TMEM132C: variants seen among roughly 807,000 people sequenced by gnomAD.
The protein encoded by TMEM132C is transmembrane protein 132C.
Under a neutral mutation model 61.4 loss-of-function variants are expected in TMEM132C, and 29 were observed. The observed-to-expected ratio is 0.47, with a 90% CI of 0.35 to 0.64. The LOEUF is 0.64. TMEM132C is among the 30% of genes least tolerant of loss of function. The probability of loss-of-function intolerance (pLI) is 0.00; values close to 1 mark genes in which losing one functional copy is unlikely to be tolerated. For missense variants in TMEM132C, 1,408 were observed against 1,476.9 expected (o/e 0.95, Z 0.76); for synonymous variants, 656 against 633.1 (o/e 1.04, Z -0.54).
At chr12:128,597,623 C>A (rs1876020052) in intron 3 of TMEM132C, among the ~76,000 whole-genome samples, 1 of 152,148 alleles carries the variant, frequency 6.6e-6, no homozygotes, top group African/African-American at 2.4e-5. Flanking sequence ...TCCTATACTT[C>A]CAGGTAGTAT....
chr12:128,295,773 TAA>T (rs369608460), intron 1 of TMEM132C, among the ~76,000 whole-genome samples: 1 of 146,672 alleles, frequency 6.8e-6, no homozygotes, highest in Admixed American at 6.8e-5. Flanking sequence ...AAGCACCAAT[TAA>T]AAAAAAAAAA....
chr12:128,268,954 G>T (rs1287223136), intron 1 of TMEM132C, among the ~76,000 whole-genome samples: 4 of 108,810 alleles, frequency 3.7e-5, no homozygotes, highest in Admixed American at 1.1e-4. Flanking sequence ...GAAAGGGGGT[G>T]AGAGACGAGG....
chr12:128,368,741 T>C (rs999056591), intron 1 of TMEM132C, among the ~76,000 whole-genome samples: 2 of 152,172 alleles, frequency 1.3e-5, no homozygotes, highest in Admixed American at 1.3e-4. Context: ...TGTTTTTAGG[T>C]AACTGTTTTA....
rs539317119 is a variant in TMEM132C, at chr12:128,587,141, G to A, written c.1122-29011G>A. 2.6e-5 allele frequency among the ~76,000 whole-genome samples: 4 copies of A among 152,250 alleles called. No homozygotes were observed. In the South Asian group the frequency reaches 6.2e-4, roughly 24 times the overall value. ...CAGTGGGTGTTGGCAGCAGTGGATA[G>A]CACTGGCCAAATAGGCCTTATTGCC... On this transcript the variant is annotated intron_variant, in intron 3 of 8. Transcript: ENST00000435159.
rs549160458 is a variant in TMEM132C at position 128,693,970 on chromosome 12, G to A, written c.1591G>A (p.Glu531Lys). 2.4e-5 allele frequency: 37 copies of A among 1,551,728 alleles called. No homozygotes were observed. Among genetic ancestry groups the A allele is most frequent in the Admixed American group, 9.8e-5 (5 of 51,004 alleles). ...GGTGCCCCGGCTGCCCCTGCAGATC[G>A]AGGTCTCTGACACGGAGCTCAGCCA... is the stretch of plus-strand genomic sequence containing the variant. ...VWVPRLPLQI[E>K]VSDTELSQIK... Residue 531 changes from glutamate to lysine, a missense_variant, in exon 6 of 9, where the codon GAG becomes AAG. By Grantham distance (56) the Glu-to-Lys change is moderately conservative (BLOSUM62 1). Transcript: ENST00000435159.
chr12:128,394,086 A>G (rs893863975), intron 1 of TMEM132C, among the ~76,000 whole-genome samples: 1 of 152,160 alleles, frequency 6.6e-6, no homozygotes, highest in Non-Finnish European at 1.5e-5. Flanking sequence ...AGGCCTCACA[A>G]TCGTGGGGGA....
chr12:128,361,264 G>A (rs527591170), intron 1 of TMEM132C, among the ~76,000 whole-genome samples: 6 of 152,308 alleles, frequency 3.9e-5, no homozygotes, highest in Non-Finnish European at 8.8e-5. Context: ...GAGAGATTGT[G>A]GGTGGATGCA....
intron 8 of TMEM132C, among the ~76,000 whole-genome samples, chr12:128,702,173 T>G (rs1373582511): frequency 6.6e-6 from 1 of 152,150 alleles, no homozygotes; most frequent in African/African-American, 2.4e-5. Context: ...GTGCTGGGAT[T>G]ACAGGCATAA....
At chr12:128,639,258 T>C (rs1191020487) in intron 4 of TMEM132C, among the ~76,000 whole-genome samples, 1 of 150,766 alleles carries the variant, frequency 6.6e-6, no homozygotes, top group African/African-American at 2.4e-5. Flanking sequence ...ATGATGATGG[T>C]GATGATGATG....
chr12:128,650,521 G>A lies in TMEM132C; in HGVS notation c.1306-18896G>A, dbSNP rs1052148454. Among the ~76,000 whole-genome samples the A allele has an allele frequency of 3.4e-4, 52 of 152,136 alleles. 1 individual carries two copies. The highest frequency in any genetic ancestry group is 1.0e-3 in the South Asian group (5 of 4,810). ...GGAGGATTGCTTGAGGCCAGGAGTT[G>A]GAGACCAGCCTGGGCAACATAGTGA... On this transcript the variant is annotated intron_variant, in intron 4 of 8. Transcript: ENST00000435159.
At chr12:128,637,184 A>C (rs912185824) in intron 4 of TMEM132C, among the ~76,000 whole-genome samples, 1 of 152,090 alleles carries the variant, frequency 6.6e-6, no homozygotes, top group Non-Finnish European at 1.5e-5. Context: ...CTTCTTTTGC[A>C]AGGTTTGTTG....
intron 2 of TMEM132C, among the ~76,000 whole-genome samples, chr12:128,533,663 A>T (rs1326386361): frequency 1.3e-5 from 2 of 152,156 alleles, no homozygotes; most frequent in Admixed American, 1.3e-4. Flanking sequence ...GCCCAGACTA[A>T]TGACCTCCAT....
chr12:128,616,055 T>G, intron 3 of TMEM132C, 97 bp from the exon 4 acceptor site: 3 of 1,378,504 alleles, frequency 2.2e-6, no homozygotes, highest in Non-Finnish European at 2.9e-6. Context: ...ATCCCTGAGA[T>G]GTGTTTCTTT....
chr12:128,468,263 G>C (rs1870810541), intron 2 of TMEM132C, among the ~76,000 whole-genome samples: 1 of 152,110 alleles, frequency 6.6e-6, no homozygotes, highest in Non-Finnish European at 1.5e-5. Flanking sequence ...AGGGCAGGGG[G>C]CTTAGACTTT....
chr12:128,539,632 CAT>C (rs1873664925), intron 2 of TMEM132C, among the ~76,000 whole-genome samples: 1 of 152,012 alleles, frequency 6.6e-6, no homozygotes, highest in South Asian at 2.1e-4. Context: ...AACAAATGAA[CAT>C]GTGTGTGTGG....
intron 1 of TMEM132C, among the ~76,000 whole-genome samples, chr12:128,319,419 G>A (rs1002752342): frequency 1.3e-5 from 2 of 152,100 alleles, no homozygotes; most frequent in Non-Finnish European, 2.9e-5. Context: ...GGCCAAGTGC[G>A]GTTCACGTGT....
intron 4 of TMEM132C, among the ~76,000 whole-genome samples, chr12:128,639,226 A>G (rs949594791): frequency 7.3e-6 from 1 of 137,370 alleles, no homozygotes; most frequent in South Asian, 2.5e-4. Flanking sequence ...TGATAATGAC[A>G]ATGGTGATGA....
chr12:128,308,223 A>C (rs900901798), intron 1 of TMEM132C, among the ~76,000 whole-genome samples: 3 of 152,222 alleles, frequency 2.0e-5, no homozygotes, highest in Admixed American at 6.5e-5. Context: ...TTTGGGACCC[A>C]GATCTTTCCC....
intron 3 of TMEM132C, among the ~76,000 whole-genome samples, chr12:128,582,141 C>T (rs777379184): frequency 2.1e-4 from 32 of 151,884 alleles, no homozygotes; most frequent in African/African-American, 5.6e-4. Context: ...GGAATAGTAT[C>T]GAGAATAAGA....
Sources: gnomAD v4.1 joint callset for allele counts (sites outside exome capture counted in the v4.1 genomes callset) on GRCh38, gnomAD v4.1.1 for gene constraint, MANE v1.5 for transcripts, NCBI Gene and HGNC (gene_info 2026-07-23, HGNC 2026-07-21) for gene names.